TRIM36: variants seen among roughly 807,000 people sequenced by gnomAD.
The protein encoded by TRIM36 is E3 ubiquitin-protein ligase TRIM36.
A neutral mutation model predicts 72.4 loss-of-function variants in TRIM36; 42 were observed. The ratio of observed to expected loss-of-function variants is 0.58; its 90% CI spans 0.45 to 0.75. The LOEUF is 0.75. TRIM36 is among the 30% of genes least tolerant of loss of function. The pLI is 0.00. For synonymous variants in TRIM36, 315 were observed against 282.8 expected (o/e 1.11, Z -1.14); for missense variants, 913 against 857.1 (o/e 1.07, Z -0.81).
Position 115,154,811 on chromosome 5 carries a change from G to A in TRIM36, c.263-7417C>T, listed in dbSNP as rs117880635. On this transcript the variant is annotated intron_variant, in intron 2 of 9. Coordinates refer to ENST00000513154, the MANE Select transcript of TRIM36 (RefSeq NM_001300759.2). ...CACTATTCCATGAGATAGAGAAAGA[G>A]GAACCCTCCCTAACTCATTCTGTGA... Among the ~76,000 whole-genome samples the A allele has an allele frequency of 2.8e-3, 419 of 152,212 alleles. 17 individuals are homozygous for A. The East Asian group carries it at 0.076, about 28-fold the overall frequency.
chr5:115,127,646 T>C (rs908676607), intron 9 of TRIM36, among the ~76,000 whole-genome samples: 4 of 152,188 alleles, frequency 2.6e-5, no homozygotes, highest in Non-Finnish European at 5.9e-5. Context: ...CCATTACATG[T>C]TTGTGGTGAT....
At chr5:115,132,050 T>TA (rs1386178520) in intron 8 of TRIM36, among the ~76,000 whole-genome samples, 1 of 151,934 alleles carries the variant, frequency 6.6e-6, no homozygotes, top group Non-Finnish European at 1.5e-5. Flanking sequence ...CACCACAATT[T>TA]AAAAAATGAC....
At chr5:115,126,906 T>C (rs1159303306) in intron 9 of TRIM36, 49 bp from the exon 10 acceptor site, 1 of 1,512,074 alleles carries the variant, frequency 6.6e-7, no homozygotes, top group South Asian at 1.3e-5. Flanking sequence ...GATCTAAGTA[T>C]CTTCAAAACA....
At chr5:115,133,481 G>C (rs1752798672) in intron 8 of TRIM36, among the ~76,000 whole-genome samples, 1 of 152,012 alleles carries the variant, frequency 6.6e-6, no homozygotes, top group Non-Finnish European at 1.5e-5. Context: ...TAGGATATTA[G>C]ACCAATAAAT....
chr5:115,135,033 C>T (rs1580646288), intron 7 of TRIM36, among the ~76,000 whole-genome samples: 2 of 147,192 alleles, frequency 1.4e-5, no homozygotes, highest in Admixed American at 6.7e-5. Flanking sequence ...CAGTATTTTC[C>T]CCCTCAATGG....
chr5:115,151,833 A>C (rs574204990), intron 2 of TRIM36, among the ~76,000 whole-genome samples: 1 of 152,346 alleles, frequency 6.6e-6, no homozygotes, highest in Non-Finnish European at 1.5e-5. Flanking sequence ...GAAATGGGGA[A>C]GAGTACCACA....
rs1755012056 is a variant in TRIM36 at position 115,169,903 on chromosome 5, G to T, written c.-269C>A. The T allele has an allele frequency of 1.5e-6, 2 of 1,292,658 alleles. No homozygotes were observed. Among genetic ancestry groups the T allele is most frequent in the Non-Finnish European group, 2.0e-6 (2 of 1,019,200 alleles). The allele number at this position is 1,292,658 out of a possible 1,614,324, so 80.1% of individuals were successfully genotyped here. A position where few individuals can be genotyped will look rare whatever the true frequency, so the allele number is the denominator to read the frequency against. ...GCCGGCTGCAGCAGCGGCTCCTGCG[G>T]ACTGCGGCTGGGAACGGCGCCGCGC... is the stretch of plus-strand genomic sequence containing the variant. On this transcript the variant is annotated 5_prime_UTR_variant, in exon 1 of 10. Transcript: ENST00000513154.
At chr5:115,128,437 G>A (rs977782594) in intron 9 of TRIM36, among the ~76,000 whole-genome samples, 3 of 151,714 alleles carry the variant, frequency 2.0e-5, no homozygotes. Context: ...TCCTACAAGA[G>A]AGTTAAAAAG....
At chr5:115,179,916 G>C in intron 1 of TRIM36, 1 of 1,499,932 alleles carries the variant, frequency 6.7e-7, no homozygotes, top group Non-Finnish European at 9.1e-7. Flanking sequence ...CACAGTGGCG[G>C]GCCAGGTAGT....
At chr5:115,140,586 C>A (rs187093956) in intron 5 of TRIM36, among the ~76,000 whole-genome samples, 1 of 152,062 alleles carries the variant, frequency 6.6e-6, no homozygotes, top group East Asian at 1.9e-4. Context: ...CACTAACCTA[C>A]CCCCCTCCTC....
intron 9 of TRIM36, 54 bp from the exon 10 acceptor site, chr5:115,126,911 A>G (rs1580629647): frequency 6.6e-7 from 1 of 1,506,138 alleles, no homozygotes; most frequent in East Asian, 2.3e-5. Context: ...AAGTATCTTC[A>G]AAACATTTTC....
At chr5:115,180,179 G>T, upstream of TRIM36, 1 of 779,568 alleles carries the variant, frequency 1.3e-6, no homozygotes, top group Non-Finnish European at 2.1e-6. Context: ...GGGAAGCGCC[G>T]GGGAAAGCAA....
chr5:115,177,396 G>A (rs1039303175), intron 1 of TRIM36: 28 of 393,568 alleles, frequency 7.1e-5, no homozygotes, highest in African/African-American at 4.2e-4. Flanking sequence ...ATGGTGGGGC[G>A]GAGGGCAGGC....
chr5:115,134,478 C>T (rs1752859741), intron 7 of TRIM36, among the ~76,000 whole-genome samples: 2 of 152,024 alleles, frequency 1.3e-5, no homozygotes, highest in African/African-American at 4.8e-5. Flanking sequence ...CCTATGTCCT[C>T]CCCTAAACAA....
chr5:115,151,119 C>T (rs774183530), intron 2 of TRIM36, among the ~76,000 whole-genome samples: 5 of 152,120 alleles, frequency 3.3e-5, no homozygotes, highest in South Asian at 2.1e-4. Flanking sequence ...AGCTGGGAGG[C>T]GGGTAGACTG....
chr5:115,140,110 T>A (rs1431589025), intron 5 of TRIM36, among the ~76,000 whole-genome samples: 1 of 152,112 alleles, frequency 6.6e-6, no homozygotes, highest in Non-Finnish European at 1.5e-5. Flanking sequence ...GGGTGGTGAA[T>A]CAGTAAAGAT....
intron 5 of TRIM36, among the ~76,000 whole-genome samples, chr5:115,139,886 C>T (rs1236050970): frequency 6.6e-5 from 10 of 152,104 alleles, no homozygotes; most frequent in African/African-American, 1.2e-4. Flanking sequence ...TGATGACAAA[C>T]CCCAAAACAG....
chr5:115,160,036 A>C (rs1279524735), intron 2 of TRIM36, among the ~76,000 whole-genome samples: 1 of 152,006 alleles, frequency 6.6e-6, no homozygotes, highest in African/African-American at 2.4e-5. Context: ...AAAAAAAAAA[A>C]CTAAAATGAA....
intron 3 of TRIM36, among the ~76,000 whole-genome samples, chr5:115,145,784 C>A (rs1753559508): frequency 6.6e-6 from 1 of 152,200 alleles, no homozygotes; most frequent in African/African-American, 2.4e-5. Context: ...AGAAAAACAA[C>A]TGGAAAAGGT....
Sources: gnomAD v4.1 joint callset for allele counts (sites outside exome capture counted in the v4.1 genomes callset) on GRCh38, gnomAD v4.1.1 for gene constraint, MANE v1.5 for transcripts, NCBI Gene and HGNC (gene_info 2026-07-23, HGNC 2026-07-21) for gene names.